The following CIMIP2C variants were observed in gnomAD, a reference collection of about 807,000 sequenced individuals.
The protein encoded by CIMIP2C is ciliary microtubule inner protein 2C.
the CIMIP2C span, chr2:26,575,917 C>T: frequency 1.2e-6 from 2 of 1,613,304 alleles, no homozygotes; most frequent in Non-Finnish European, 1.7e-6. Context: ...AGGGCCACGT[C>T]CCCACTGTGG....
the CIMIP2C span, among the ~76,000 whole-genome samples, chr2:26,575,346 C>T: frequency 6.6e-6 from 1 of 152,240 alleles, no homozygotes; most frequent in Non-Finnish European, 1.5e-5. Context: ...TTCTCATACT[C>T]CCCCTACTCT....
At chr2:26,565,332 C>G in the CIMIP2C span, among the ~76,000 whole-genome samples, 1 of 152,216 alleles carries the variant, frequency 6.6e-6, no homozygotes, top group African/African-American at 2.4e-5. Flanking sequence ...CTCAGATGAT[C>G]AACCCGCCTT....
chr2:26,566,285 C>A, the CIMIP2C span, among the ~76,000 whole-genome samples: 1 of 152,162 alleles, frequency 6.6e-6, no homozygotes, highest in Non-Finnish European at 1.5e-5. Context: ...CAGTTGTGCC[C>A]ACATCTGTCA....
At chr2:26,573,091 G>A in the CIMIP2C span, among the ~76,000 whole-genome samples, 1 of 152,240 alleles carries the variant, frequency 6.6e-6, no homozygotes, top group Non-Finnish European at 1.5e-5. Flanking sequence ...GAGGACATTG[G>A]ATTTGGCAAC....
chr2:26,565,985 T>A, the CIMIP2C span, among the ~76,000 whole-genome samples: 1 of 152,236 alleles, frequency 6.6e-6, no homozygotes, highest in African/African-American at 2.4e-5. Flanking sequence ...GCAGGAGCTC[T>A]TGGGTCAGAG....
At chr2:26,568,745 T>C in the CIMIP2C span, among the ~76,000 whole-genome samples, 1 of 152,104 alleles carries the variant, frequency 6.6e-6, no homozygotes, top group Non-Finnish European at 1.5e-5. Flanking sequence ...GAATGTGAAC[T>C]GAGGCCAGGT....
the CIMIP2C span, among the ~76,000 whole-genome samples, chr2:26,565,596 G>A: frequency 6.6e-6 from 1 of 152,144 alleles, no homozygotes; most frequent in African/African-American, 2.4e-5. Flanking sequence ...ATGGACTCTG[G>A]AGCAAGCCTG....
the CIMIP2C span, among the ~76,000 whole-genome samples, chr2:26,576,433 C>A: frequency 6.6e-6 from 1 of 152,206 alleles, no homozygotes; most frequent in Non-Finnish European, 1.5e-5. Context: ...CTCCCACTGC[C>A]AGTGGAGCTA....
chr2:26,564,851 T>G, the CIMIP2C span, among the ~76,000 whole-genome samples: 1 of 152,148 alleles, frequency 6.6e-6, no homozygotes, highest in Non-Finnish European at 1.5e-5. Flanking sequence ...CCCCTCCTGT[T>G]CCAGATGTGG....
the CIMIP2C span, among the ~76,000 whole-genome samples, chr2:26,571,064 G>A: frequency 6.6e-6 from 1 of 152,126 alleles, no homozygotes; most frequent in Non-Finnish European, 1.5e-5. Flanking sequence ...CTGTGGCGTG[G>A]TGGCCCAGCC....
At chr2:26,577,749 G>A in the CIMIP2C span, 10 of 718,130 alleles carry the variant, frequency 1.4e-5, no homozygotes, top group Non-Finnish European at 9.4e-6. Context: ...GCCCTAAAAC[G>A]TGCAGTGCAG....
At chr2:26,569,747 A>G in the CIMIP2C span, among the ~76,000 whole-genome samples, 1 of 152,126 alleles carries the variant, frequency 6.6e-6, no homozygotes, top group Admixed American at 6.5e-5. Flanking sequence ...TGTGGTGTAC[A>G]GATGGATGGA....
chr2:26,572,243 C>T, the CIMIP2C span: 2 of 1,248,624 alleles, frequency 1.6e-6, no homozygotes, highest in South Asian at 1.7e-5. Flanking sequence ...ATTTACATTC[C>T]ATTCTGTAAC....
chr2:26,567,621 GC>G, the CIMIP2C span, among the ~76,000 whole-genome samples: 2 of 152,164 alleles, frequency 1.3e-5, no homozygotes, highest in Admixed American at 1.3e-4. Flanking sequence ...CATTTCCAAA[GC>G]CCCTTCCACT....
chr2:26,565,311 G>A, the CIMIP2C span, among the ~76,000 whole-genome samples: 17 of 152,218 alleles, frequency 1.1e-4, no homozygotes, highest in South Asian at 4.2e-4. Context: ...GGCTGGTCTC[G>A]AACTCCTGAC....
the CIMIP2C span, among the ~76,000 whole-genome samples, chr2:26,563,715 T>C: frequency 6.6e-6 from 1 of 152,204 alleles, no homozygotes; most frequent in Admixed American, 6.5e-5. Context: ...TCGGAACAGA[T>C]GGCAACATGA....
the CIMIP2C span, among the ~76,000 whole-genome samples, chr2:26,564,487 C>T: frequency 6.6e-6 from 1 of 152,196 alleles, no homozygotes; most frequent in Non-Finnish European, 1.5e-5. Context: ...AGGCTTCAAG[C>T]CTGGACTGGG....
the CIMIP2C span, chr2:26,562,743 A>T: frequency 6.9e-7 from 1 of 1,444,338 alleles, no homozygotes; most frequent in African/African-American, 1.4e-5. Context: ...CTCCTCGGTG[A>T]TCGAAATTCA....
chr2:26,576,221 G>T, the CIMIP2C span: 1 of 1,574,684 alleles, frequency 6.4e-7, no homozygotes, highest in Admixed American at 1.7e-5. Flanking sequence ...CTGCCCACCT[G>T]CCCCCACCAC....
Sources: gnomAD v4.1 joint callset for allele counts (sites outside exome capture counted in the v4.1 genomes callset) on GRCh38, gnomAD v4.1.1 for gene constraint, MANE v1.5 for transcripts, NCBI Gene and HGNC (gene_info 2026-07-23, HGNC 2026-07-21) for gene names.